NOM1: variants seen among roughly 807,000 people sequenced by gnomAD.
The protein encoded by NOM1 is nucleolar protein with MIF4G domain 1, also known as nucleolar MIF4G domain-containing protein 1.
In NOM1, 58 loss-of-function variants were observed where a neutral mutation model predicts 73.3. The observed-to-expected ratio is 0.79, with a 90% CI of 0.64 to 0.99. The LOEUF is 0.99. NOM1 is among the 50% of genes least tolerant of loss of function. The pLI is 0.00. For synonymous variants in NOM1, 487 were observed against 446.8 expected, an observed-to-expected ratio of 1.09 and a Z score of -1.14; for missense variants, 1,226 against 1,131.9, an observed-to-expected ratio of 1.08 and a Z score of -1.19.
Position 156,969,740 on chromosome 7 carries a change from T to TA in NOM1, c.*41dup. On this transcript the variant is annotated 3_prime_UTR_variant, in exon 11 of 11. Coordinates refer to ENST00000275820, the MANE Select transcript of NOM1 (RefSeq NM_138400.2). Reference sequence around the variant, plus strand: ...AGGAGGGCAGGTGGCCCTTTGACTGTAAAATGTCCTTGGTAAACCCAAAGG... The same window carrying TA: ...AGGAGGGCAGGTGGCCCTTTGACTGTAAAAATGTCCTTGGTAAACCCAAAGG... 6.4e-7 allele frequency: 1 copy of TA among 1,572,298 alleles called. No individual in the cohort carries two copies. Among genetic ancestry groups the TA allele is most frequent in the Non-Finnish European group, 8.6e-7 (1 of 1,159,326 alleles).
At position 156,965,139 on chromosome 7, in the gene NOM1, G is replaced by A. The variant is rs183719331; in HGVS notation, c.2033+1113G>A. On this transcript the variant is annotated intron_variant, in intron 7 of 10. Transcript: ENST00000275820. Reference sequence around the variant, plus strand: ...CGCTGCCTTCACCTGAGTGCTCTACGTGGGGCTGTGCTGTTTGCAGTGGAG... The same window carrying A: ...CGCTGCCTTCACCTGAGTGCTCTACATGGGGCTGTGCTGTTTGCAGTGGAG... Among the ~76,000 whole-genome samples, 382 of 152,322 alleles carry A rather than the reference G, an allele frequency of 2.5e-3. 4 individuals are homozygous for A. The highest frequency in any genetic ancestry group is 4.7e-3 in the Non-Finnish European group (323 of 68,018).
rs1805085065 is a variant in NOM1, at chr7:156,969,475, G to A, written c.2409-54G>A. On this transcript the variant is annotated intron_variant, in intron 10 of 10. Coordinates refer to ENST00000275820, the MANE Select transcript of NOM1 (RefSeq NM_138400.2). Reference sequence around the variant, plus strand: ...CACTATGCGAGATACCCAGGATTGAGATCTAGGAGAGGCCAGCTCAGCCCT... The same window carrying A: ...CACTATGCGAGATACCCAGGATTGAAATCTAGGAGAGGCCAGCTCAGCCCT... The A allele has an allele frequency of 2.0e-6, 3 of 1,495,834 alleles. No individual in the cohort carries two copies. In the East Asian group the frequency reaches 6.8e-5, roughly 34 times the overall value. The allele number at this position is 1,495,834 out of a possible 1,614,324, so 92.7% of individuals were successfully genotyped here.
At chr7:156,967,792 A>G (rs1427472347) in intron 9 of NOM1, among the ~76,000 whole-genome samples, 1 of 152,088 alleles carries the variant, frequency 6.6e-6, no homozygotes, top group Non-Finnish European at 1.5e-5. Flanking sequence ...CAAAGTGCTA[A>G]TATTACAGGT....
At chr7:156,956,018 G>A (rs1314606128) in intron 3 of NOM1, among the ~76,000 whole-genome samples, 3 of 151,968 alleles carry the variant, frequency 2.0e-5, no homozygotes, top group African/African-American at 2.4e-5. Context: ...GTGAAACCCC[G>A]TCTCTACTAA....
Position 156,950,266 on chromosome 7 carries a change from G to T in NOM1, c.529G>T (p.Ala177Ser). Residue 177 changes from alanine (A) to serine (S), a missense_variant, in exon 1 of 11, where the codon GCG becomes TCG. Physicochemically the swap from Ala to Ser is moderately conservative, Grantham distance 99. Transcript: ENST00000275820. ...CGCTGCCCGGAAACGGGCGCTTTTAGCGGCGAACGAGGAGGAGGACCGAGA... is the reference window on the plus strand; with the variant it reads ...CGCTGCCCGGAAACGGGCGCTTTTATCGGCGAACGAGGAGGAGGACCGAGA... ...TAAARKRALL[A>S]ANEEEDREIR... The T allele has an allele frequency of 6.2e-7, 1 of 1,613,910 alleles. No individual in the cohort carries two copies. The highest frequency in any genetic ancestry group is 8.5e-7 in the Non-Finnish European group (1 of 1,179,834).
intron 8 of NOM1, 102 bp from the exon 9 acceptor site, chr7:156,966,859 A>G: frequency 1.6e-6 from 2 of 1,279,274 alleles, no homozygotes; most frequent in Non-Finnish European, 1.1e-6. Context: ...TAGAATATTA[A>G]AAATAAGATA....
In NOM1 at chr7:156,949,914, C is replaced by T; in HGVS notation, c.177C>T (p.Gly59=). The change falls in exon 1 of 11, where the codon GGC becomes GGT. Residue 59 remains glycine, a synonymous_variant. Transcript: ENST00000275820. The part of the protein sequence containing the change: ...VEEFVHATSE[G]EAPGGCEGRG... ...AGTTCGTGCACGCGACTTCGGAAGGCGAGGCTCCCGGGGGTTGCGAGGGGC... is the reference window on the plus strand; with the variant it reads ...AGTTCGTGCACGCGACTTCGGAAGGTGAGGCTCCCGGGGGTTGCGAGGGGC... The T allele has an allele frequency of 6.5e-7, 1 of 1,540,448 alleles. No homozygotes were observed. Among genetic ancestry groups the T allele is most frequent in the Non-Finnish European group, 8.7e-7 (1 of 1,144,098 alleles).
Position 156,969,255 on chromosome 7 carries a change from T to G in NOM1, c.2408+59T>G. 1 of 990,104 alleles carries G rather than the reference T, an allele frequency of 1.0e-6. No individual in the cohort carries two copies. 61.3% of individuals were successfully genotyped at this position (990,104 alleles called of 1,614,324 possible). ...AGAGAAATGAAGAGATTGTTTTCACTTGTGTTGATTTACAAACACAAGGTT... is the reference window on the plus strand; with the variant it reads ...AGAGAAATGAAGAGATTGTTTTCACGTGTGTTGATTTACAAACACAAGGTT... On this transcript the variant is annotated intron_variant, in intron 10 of 10. Coordinates refer to ENST00000275820, the MANE Select transcript of NOM1 (RefSeq NM_138400.2).
Position 156,964,315 on chromosome 7 carries a change from G to A in NOM1, c.2033+289G>A, listed in dbSNP as rs140593750. 1.5e-3 allele frequency: 271 copies of A among 185,396 alleles called. 2 individuals carry two copies. The highest frequency in any genetic ancestry group is 0.011 in the Middle Eastern group (5 of 462). The allele number at this position is 185,396 out of a possible 1,614,324, so 11.5% of individuals were successfully genotyped here. A position where few individuals can be genotyped will look rare whatever the true frequency, so the allele number is the denominator to read the frequency against. On this transcript the variant is annotated intron_variant, in intron 7 of 10. Transcript: ENST00000275820. Reference sequence around the variant, plus strand: ...GGGTCTTGCCATGTTGCTCAGGCTGGAGACTGGGGAGTTTTGACTGAAAGT... The same window carrying A: ...GGGTCTTGCCATGTTGCTCAGGCTGAAGACTGGGGAGTTTTGACTGAAAGT...
chr7:156,962,889 A>G lies in NOM1; in HGVS notation c.1744-119A>G, dbSNP rs1804900009. 12 of 1,097,846 alleles carry G rather than the reference A, an allele frequency of 1.1e-5. No individual in the cohort carries two copies. The South Asian group carries it at 1.6e-4, about 15-fold the overall frequency. 68.0% of individuals were successfully genotyped at this position (1,097,846 alleles called of 1,614,324 possible). ...AGGCTAACCGTCCCAATTGCCAGTG[A>G]CCCATTCCAGTATTCATGCACCAGA... is the stretch of plus-strand genomic sequence containing the variant. On this transcript the variant is annotated intron_variant, in intron 5 of 10. Coordinates refer to ENST00000275820, the MANE Select transcript of NOM1 (RefSeq NM_138400.2).
In NOM1 at chr7:156,963,164, C is replaced by T; in HGVS notation, c.1900C>T (p.Leu634Phe). ...TCACCATACGCACCTGCAGAAGCAG[C>T]TTGTGGGGACGGTAGGGACACCCAT... Reference protein sequence around the residue: ...NSHHTHLQKQLVGTVSSKILE... With the variant: ...NSHHTHLQKQFVGTVSSKILE... Residue 634 changes from leucine to phenylalanine, a missense_variant, in exon 6 of 11, where the codon CTT becomes TTT. Leu to Phe is a conservative substitution (Grantham distance 22). Transcript: ENST00000275820. The T allele has an allele frequency of 6.2e-7, 1 of 1,614,084 alleles. No homozygotes were observed.
chr7:156,963,152 C>T lies in NOM1; in HGVS notation c.1888C>T (p.Leu630=), dbSNP rs754308066. 8 of 1,614,044 alleles carry T rather than the reference C, an allele frequency of 5.0e-6. No homozygotes were observed. In the Admixed American group the frequency reaches 1.3e-4, roughly 27 times the overall value. ...PMIDNSHHTH[L]QKQLVGTVSS... ...GATCGACAACAGTCACCATACGCAC[C>T]TGCAGAAGCAGCTTGTGGGGACGGT... The change falls in exon 6 of 11, where the codon CTG becomes TTG. Residue 630 remains leucine, a synonymous_variant. Transcript: ENST00000275820.
At chr7:156,956,192 C>CA (rs35181749) in intron 3 of NOM1, among the ~76,000 whole-genome samples, 74,509 of 139,146 alleles carry the variant, frequency 0.54, 19,359 homozygotes, top group Middle Eastern at 0.67. Context: ...GACTCAGTCT[C>CA]AAAAAAAAAA....
intron 2 of NOM1, 134 bp from the exon 3 acceptor site, chr7:156,953,969 A>G (rs1434162856): frequency 5.9e-6 from 4 of 673,478 alleles, no homozygotes; most frequent in East Asian, 2.9e-5. Context: ...CAAGATAAGA[A>G]TAGTTAAGGG....
intron 9 of NOM1, 110 bp downstream of exon 9, chr7:156,967,202 C>G: frequency 7.7e-7 from 1 of 1,301,196 alleles, no homozygotes; most frequent in East Asian, 2.4e-5. Flanking sequence ...GATTCTGATT[C>G]ATCTGAAAAG....
At position 156,949,919 on chromosome 7, in the gene NOM1, C is replaced by T. The variant is rs1384122596; in HGVS notation, c.182C>T (p.Ala61Val). The change falls in exon 1 of 11, where the codon GCT (alanine) becomes GTT (valine). Residue 61 changes from alanine (A) to valine (V), a missense_variant. Transcript: ENST00000275820. Reference sequence around the variant, plus strand: ...GTGCACGCGACTTCGGAAGGCGAGGCTCCCGGGGGTTGCGAGGGGCGCGGC... The same window carrying T: ...GTGCACGCGACTTCGGAAGGCGAGGTTCCCGGGGGTTGCGAGGGGCGCGGC... ...EFVHATSEGE[A>V]PGGCEGRGAP... 3.2e-6 allele frequency: 5 copies of T among 1,542,234 alleles called. No individual in the cohort carries two copies. The South Asian group carries it at 3.6e-5, about 11-fold the overall frequency.
rs1805152877 is a variant in NOM1, at chr7:156,972,074, A to G, written c.*2371A>G. The G allele has an allele frequency of 1.3e-5, 2 of 152,256 alleles. No individual in the cohort carries two copies. Among genetic ancestry groups the G allele is most frequent in the African/African-American group, 2.4e-5 (1 of 41,474 alleles). 9.4% of individuals were successfully genotyped at this position (152,256 alleles called of 1,614,324 possible). ...ATAAGGAGCTTGGGCTAAGGTATAA[A>G]TCAACACACTGCTTCCTTCCTCCAG... On this transcript the variant is annotated 3_prime_UTR_variant, in exon 11 of 11. Coordinates refer to ENST00000275820, the MANE Select transcript of NOM1 (RefSeq NM_138400.2).
chr7:156,963,226 G>T, intron 6 of NOM1, 51 bp downstream of exon 6: 1 of 1,602,450 alleles, frequency 6.2e-7, no homozygotes, highest in Non-Finnish European at 8.5e-7. Context: ...CCCCTGTGTG[G>T]TGTGTGGTCC....
intron 5 of NOM1, 87 bp from the exon 6 acceptor site, chr7:156,962,921 A>G (rs1804900608): frequency 1.4e-6 from 2 of 1,410,836 alleles, no homozygotes; most frequent in East Asian, 2.4e-5. Context: ...CAGAAATGTC[A>G]TGGTCAAAAA....
Sources: allele counts gnomAD v4.1 joint callset (sites outside exome capture counted in the v4.1 genomes callset), GRCh38; gene constraint gnomAD v4.1.1; transcripts MANE v1.5; gene names NCBI Gene and HGNC (gene_info 2026-07-23, HGNC 2026-07-21).